MYO5B: variants seen among roughly 807,000 people sequenced by gnomAD.
MYO5B encodes the protein unconventional myosin-Vb.
MYO5B carries 143 observed loss-of-function variants against 229.3 expected under a neutral mutation model. The ratio of observed to expected loss-of-function variants is 0.62; its 90% CI spans 0.54 to 0.72. The LOEUF is 0.72. Among genes scored for constraint, MYO5B ranks in the 30% least tolerant of loss-of-function variants. The pLI is 0.00. For missense variants in MYO5B, 2,321 were observed against 2,331.0 expected (o/e 1.00, Z 0.09); for synonymous variants, 918 against 885.2 (o/e 1.04, Z -0.66).
At chr18:49,892,641 C>T (rs920001906) in intron 22 of MYO5B, among the ~76,000 whole-genome samples, 1 of 152,162 alleles carries the variant, frequency 6.6e-6, no homozygotes, top group Non-Finnish European at 1.5e-5. Context: ...TGACACAGTG[C>T]CTTTGATAAA....
chr18:50,147,718 C>T (rs913403855), intron 1 of MYO5B, among the ~76,000 whole-genome samples: 9 of 152,242 alleles, frequency 5.9e-5, no homozygotes, highest in East Asian at 1.9e-4. Context: ...CTGACCTCAC[C>T]GAAACTCTTT....
chr18:49,886,545 G>GA (rs1355577696), intron 22 of MYO5B, among the ~76,000 whole-genome samples: 2 of 152,124 alleles, frequency 1.3e-5, no homozygotes, highest in Non-Finnish European at 2.9e-5. Flanking sequence ...TTGGCTTTCT[G>GA]CCCAACAGGA....
chr18:49,986,261 C>T (rs1446899533), intron 7 of MYO5B, among the ~76,000 whole-genome samples: 1 of 152,196 alleles, frequency 6.6e-6, no homozygotes, highest in East Asian at 1.9e-4. Context: ...ACCTCTCCTT[C>T]CTCACCTCCC....
chr18:50,010,069 T>G (rs2026145874), intron 4 of MYO5B, among the ~76,000 whole-genome samples: 1 of 152,202 alleles, frequency 6.6e-6, no homozygotes, highest in South Asian at 2.1e-4. Flanking sequence ...AAGGCTGTCA[T>G]GAATATTCAC....
At chr18:50,083,018 A>G (rs1474259538) in intron 1 of MYO5B, among the ~76,000 whole-genome samples, 1 of 152,198 alleles carries the variant, frequency 6.6e-6, no homozygotes, top group Non-Finnish European at 1.5e-5. Flanking sequence ...TAAGGTTCCC[A>G]CCTGTATTCC....
intron 1 of MYO5B, among the ~76,000 whole-genome samples, chr18:50,062,395 C>G (rs1395568666): frequency 6.6e-6 from 1 of 152,158 alleles, no homozygotes; most frequent in Non-Finnish European, 1.5e-5. Context: ...GGACCAAGAA[C>G]AGGAACACTG....
At chr18:50,138,232 AAT>A (rs1378224385) in intron 1 of MYO5B, among the ~76,000 whole-genome samples, 1 of 152,228 alleles carries the variant, frequency 6.6e-6, no homozygotes, top group Non-Finnish European at 1.5e-5. Context: ...GGTATTTCTA[AAT>A]GTAGTTAGAA....
intron 16 of MYO5B, among the ~76,000 whole-genome samples, chr18:49,935,432 G>C (rs770866034): frequency 9.3e-6 from 1 of 107,286 alleles, no homozygotes; most frequent in East Asian, 2.3e-4. Flanking sequence ...CAGCAGGTTA[G>C]AGAGAACTTC....
intron 1 of MYO5B, among the ~76,000 whole-genome samples, chr18:50,066,999 T>C (rs922066780): frequency 1.4e-4 from 22 of 152,314 alleles, no homozygotes; most frequent in African/African-American, 4.6e-4. Flanking sequence ...TGTCCTTTCA[T>C]GTCCAGTTGA....
chr18:49,913,519 A>G (rs1323481765), intron 17 of MYO5B, among the ~76,000 whole-genome samples: 2 of 152,124 alleles, frequency 1.3e-5, no homozygotes, highest in Admixed American at 1.3e-4. Flanking sequence ...GGAGGTGTAC[A>G]GGCAGCCCCC....
intron 4 of MYO5B, among the ~76,000 whole-genome samples, chr18:50,012,777 G>C (rs1279932924): frequency 1.3e-5 from 2 of 152,216 alleles, no homozygotes; most frequent in Admixed American, 1.3e-4. Flanking sequence ...GCAGCTGAAT[G>C]GTTTGTTGAA....
chr18:50,028,026 C>A (rs966319995), intron 4 of MYO5B, among the ~76,000 whole-genome samples: 3 of 151,988 alleles, frequency 2.0e-5, no homozygotes, highest in African/African-American at 7.3e-5. Context: ...TGGAGGGAGA[C>A]TTTGAAAAAA....
rs1224800478 is a variant in MYO5B, at chr18:49,954,452, T to C, written c.1546-17A>G. The C allele has an allele frequency of 4.3e-6, 7 of 1,613,614 alleles. No homozygotes were observed. The highest frequency in any genetic ancestry group is 4.5e-5 in the East Asian group (2 of 44,864). On this transcript the variant is annotated splice_polypyrimidine_tract_variant and intron_variant, in intron 12 of 39. Coordinates refer to ENST00000285039, the MANE Select transcript of MYO5B (RefSeq NM_001080467.3). ...TTTGGGGACCTGCAGAACCACAAGATAGGGCAGAGCGCTTTGTGAAGAGGA... is the reference window on the plus strand; with the variant it reads ...TTTGGGGACCTGCAGAACCACAAGACAGGGCAGAGCGCTTTGTGAAGAGGA...
Position 49,864,212 on chromosome 18 carries a change from T to G in MYO5B, c.3772A>C (p.Lys1258Gln). ...KLAHEELEVR[K>Q]EEVLILRTQI... ...GTCCTGAGGATGAGCACCTCCTCCT[T>G]GCGCACCTCGAGCTCCTCGTGGGCC... Residue 1258 changes from lysine (K) to glutamine (Q), a missense_variant, in exon 28 of 40, where the codon AAG (lysine) becomes CAG (glutamine). Lys to Gln is a moderately conservative substitution (Grantham distance 53). Coordinates refer to ENST00000285039, the MANE Select transcript of MYO5B (RefSeq NM_001080467.3). The G allele has an allele frequency of 6.2e-7, 1 of 1,613,836 alleles. No homozygotes were observed.
At chr18:49,978,517 C>T (rs903965802) in intron 9 of MYO5B, among the ~76,000 whole-genome samples, 4 of 152,040 alleles carry the variant, frequency 2.6e-5, no homozygotes, top group Non-Finnish European at 4.4e-5. Flanking sequence ...CACTCTTACT[C>T]TCCTGTGTGC....
chr18:50,039,083 G>A (rs550907699), intron 3 of MYO5B, among the ~76,000 whole-genome samples: 3 of 152,258 alleles, frequency 2.0e-5, no homozygotes, highest in South Asian at 4.2e-4. Context: ...TGCCTGAGGT[G>A]TCACTTATGA....
intron 17 of MYO5B, among the ~76,000 whole-genome samples, chr18:49,918,788 T>A (rs2025044958): frequency 6.6e-6 from 1 of 152,218 alleles, no homozygotes; most frequent in South Asian, 2.1e-4. Context: ...CCAAGCAACA[T>A]ACACTTCTTT....
intron 1 of MYO5B, among the ~76,000 whole-genome samples, chr18:50,077,639 T>C (rs1263192345): frequency 6.6e-6 from 1 of 152,194 alleles, no homozygotes; most frequent in Non-Finnish European, 1.5e-5. Flanking sequence ...TTTTAAAATC[T>C]GTTTAATCAG....
At position 49,841,437 on chromosome 18, in the gene MYO5B, A is replaced by G; in HGVS notation, c.4629T>C (p.Phe1543=). ...TGGATAACCAGAATGACGTCATCTC[A>G]AAGTCATCATTGTGCTTCTGTGAAA... ...KKVLKKHNDD[F]EMTSFWLSNT... The change falls in exon 35 of 40, where the codon TTT becomes TTC. Residue 1543 remains phenylalanine, a synonymous_variant. Coordinates refer to ENST00000285039, the MANE Select transcript of MYO5B (RefSeq NM_001080467.3). 1 of 1,614,182 alleles carries G rather than the reference A, an allele frequency of 6.2e-7. No individual in the cohort carries two copies. Among genetic ancestry groups the G allele is most frequent in the Non-Finnish European group, 8.5e-7 (1 of 1,180,002 alleles).
Sources: gnomAD v4.1 joint callset for allele counts (sites outside exome capture counted in the v4.1 genomes callset) on GRCh38, gnomAD v4.1.1 for gene constraint, MANE v1.5 for transcripts, NCBI Gene and HGNC (gene_info 2026-07-23, HGNC 2026-07-21) for gene names.